ITIH2: variants seen among roughly 807,000 people sequenced by gnomAD.
The protein encoded by ITIH2 is inter-alpha-trypsin inhibitor heavy chain H2.
In ITIH2, 103 loss-of-function variants were observed where a neutral mutation model predicts 104.4. The observed-to-expected ratio is 0.99, with a 90% CI of 0.84 to 1.16. The LOEUF (loss-of-function observed/expected upper bound fraction) is 1.16. ITIH2 is among the 50% of genes most tolerant of loss of function. The pLI, the probability that ITIH2 is intolerant of heterozygous loss-of-function variation, is 0.00. For synonymous variants in ITIH2, 436 were observed against 435.4 expected (o/e 1.00, Z -0.02); for missense variants, 1,108 against 1,162.4 (o/e 0.95, Z 0.68).
rs1279728915 is a variant in ITIH2, at chr10:7,734,932, C to CCTACAG, written c.1801_1806dup (p.Thr601_Ala602dup). The CCTACAG allele has an allele frequency of 2.5e-6, 4 of 1,612,108 alleles. No homozygotes were observed. ...ACTTCTTGAATACAGAAGCCTGGCT[C>CCTACAG]CTACAGCTGCCGCCAAGAGAAGAAT... On this transcript the variant is annotated inframe_insertion, in exon 15 of 21. Transcript: ENST00000358415.
intron 20 of ITIH2, among the ~76,000 whole-genome samples, chr10:7,748,905 T>C (rs1394571869): frequency 2.0e-5 from 3 of 152,252 alleles, no homozygotes; most frequent in Non-Finnish European, 4.4e-5. Flanking sequence ...GTCTTGTTCC[T>C]GCCTTCTTTC....
intron 10 of ITIH2, 98 bp downstream of exon 10, chr10:7,727,216 A>G: frequency 1.0e-6 from 1 of 963,442 alleles, no homozygotes; most frequent in Non-Finnish European, 1.5e-6. Flanking sequence ...GTCTTTCCCC[A>G]GCATTCGAGG....
Position 7,720,918 on chromosome 10 carries a change from A to G in ITIH2, c.693A>G (p.Glu231=). 1.2e-6 allele frequency: 2 copies of G among 1,613,906 alleles called. No homozygotes were observed. The highest frequency in any genetic ancestry group is 1.7e-6 in the Non-Finnish European group (2 of 1,179,772). The part of the protein sequence containing the change: ...LRFLHVPDTF[E]GHFDGVPVIS... ...TTCTTCATGTTCCCGACACATTTGA[A>G]GGCCATTTCGATGGTGTTCCGGTCA... The change falls in exon 7 of 21, where the codon GAA becomes GAG. Residue 231 remains glutamate (E), a synonymous_variant. Transcript: ENST00000358415.
rs745535473 is a variant in ITIH2 at position 7,723,528 on chromosome 10, C to T, written c.945C>T (p.Ile315=). The T allele has an allele frequency of 7.4e-6, 12 of 1,613,840 alleles. No individual in the cohort carries two copies. The highest frequency in any genetic ancestry group is 3.3e-5 in the Admixed American group (2 of 60,012). The change falls in exon 9 of 21, where the codon ATC becomes ATT. Residue 315 remains isoleucine, a synonymous_variant. Coordinates refer to ENST00000358415, the MANE Select transcript of ITIH2 (RefSeq NM_002216.3). The part of the protein sequence containing the change: ...DPIPKNILFV[I]DVSGSMWGVK... Reference sequence around the variant, plus strand: ...TTCCCAAAAACATCCTCTTTGTCATCGATGTGAGTGGCTCCATGTGGGGAG... The same window carrying T: ...TTCCCAAAAACATCCTCTTTGTCATTGATGTGAGTGGCTCCATGTGGGGAG...
At chr10:7,727,643 T>C (rs1834962913) in intron 10 of ITIH2, 60 bp from the exon 11 acceptor site, 2 of 1,586,878 alleles carry the variant, frequency 1.3e-6, no homozygotes, top group South Asian at 1.1e-5. Flanking sequence ...GAATCCAGAA[T>C]GGGATTTTCT....
chr10:7,734,850 G>T, intron 14 of ITIH2, 72 bp from the exon 15 acceptor site: 1 of 1,365,086 alleles, frequency 7.3e-7, no homozygotes, highest in South Asian at 1.3e-5. Flanking sequence ...TGGGGTGCAG[G>T]GTCAGGGAGC....
chr10:7,714,786 C>T (rs1342861043), intron 5 of ITIH2, among the ~76,000 whole-genome samples: 3 of 152,102 alleles, frequency 2.0e-5, no homozygotes, highest in Non-Finnish European at 4.4e-5. Flanking sequence ...GTGTGTCATC[C>T]TGTCTGGGGG....
chr10:7,713,838 G>A (rs1834820767), intron 5 of ITIH2, among the ~76,000 whole-genome samples: 1 of 151,986 alleles, frequency 6.6e-6, no homozygotes, highest in Non-Finnish European at 1.5e-5. Context: ...CCAAGTAGCT[G>A]GGACTTGGGG....
At chr10:7,714,156 A>G (rs941084946) in intron 5 of ITIH2, among the ~76,000 whole-genome samples, 1 of 145,914 alleles carries the variant, frequency 6.9e-6, no homozygotes, top group African/African-American at 2.6e-5. Flanking sequence ...CTTGCACTGC[A>G]CACTCACTAT....
chr10:7,749,196 G>C lies in ITIH2; in HGVS notation c.2703G>C (p.Gln901His). 1 of 1,613,918 alleles carries C rather than the reference G, an allele frequency of 6.2e-7. No individual in the cohort carries two copies. Among genetic ancestry groups the C allele is most frequent in the South Asian group, 1.1e-5 (1 of 90,982 alleles). Residue 901 changes from glutamine to histidine, a missense_variant, in exon 21 of 21, where the codon CAG becomes CAC. Gln to His is a conservative substitution (Grantham distance 24). Coordinates refer to ENST00000358415, the MANE Select transcript of ITIH2 (RefSeq NM_002216.3). ...GQKLIITRGL[Q>H]KDYRTDLVFG... Reference sequence around the variant, plus strand: ...CCTTGCTTCCTTGCAGGGGCTTACAGAAAGACTACAGAACGGATCTAGTGT... The same window carrying C: ...CCTTGCTTCCTTGCAGGGGCTTACACAAAGACTACAGAACGGATCTAGTGT...
Position 7,746,814 on chromosome 10 carries a change from A to G in ITIH2, c.2693+110A>G, listed in dbSNP as rs956938670. 2.1e-5 allele frequency: 14 copies of G among 666,052 alleles called. No individual in the cohort carries two copies. In the East Asian group the frequency reaches 3.8e-4, roughly 18 times the overall value. The allele number at this position is 666,052 out of a possible 1,614,324, so 41.3% of individuals were successfully genotyped here. ...GTGTCGTAGGCACTACCTACATCAC[A>G]CTAAGCAGTTCATTAGGAATAGACG... On this transcript the variant is annotated intron_variant, in intron 20 of 20. Transcript: ENST00000358415.
At chr10:7,748,224 A>G (rs1835198109) in intron 20 of ITIH2, among the ~76,000 whole-genome samples, 1 of 111,636 alleles carries the variant, frequency 9.0e-6, no homozygotes, top group African/African-American at 3.1e-5. Context: ...TTATATATAC[A>G]TATATAAATA....
chr10:7,717,646 A>T lies in ITIH2; in HGVS notation c.488A>T (p.Glu163Val). 1 of 1,613,792 alleles carries T rather than the reference A, an allele frequency of 6.2e-7. No homozygotes were observed. The highest frequency in any genetic ancestry group is 1.1e-5 in the South Asian group (1 of 91,058). ...TTTAGGAGCAGCGCTCTTGATATGG[A>T]AAACTTCAGAACGGAAGTAAATGTC... ...GLVRSSALDMENFRTEVNVLP... is the reference protein window; with the variant it reads ...GLVRSSALDMVNFRTEVNVLP... Residue 163 changes from glutamate (E) to valine (V), a missense_variant, in exon 6 of 21, where the codon GAA becomes GTA. Transcript: ENST00000358415.
At chr10:7,743,344 C>A in intron 17 of ITIH2, 85 bp downstream of exon 17, 1 of 736,576 alleles carries the variant, frequency 1.4e-6, no homozygotes, top group Non-Finnish European at 2.4e-6. Flanking sequence ...TCTTTCTCAG[C>A]TTAATAGAAG....
At chr10:7,714,544 C>T (rs549937389) in intron 5 of ITIH2, among the ~76,000 whole-genome samples, 3 of 152,268 alleles carry the variant, frequency 2.0e-5, no homozygotes, top group Admixed American at 1.3e-4. Flanking sequence ...CCCAAACTCA[C>T]CTGTAGTTGA....
chr10:7,739,702 AAAAAAC>A lies in ITIH2; in HGVS notation c.2095+962_2095+967del, dbSNP rs1430932511. On this transcript the variant is annotated intron_variant, in intron 16 of 20. Coordinates refer to ENST00000358415, the MANE Select transcript of ITIH2 (RefSeq NM_002216.3). Reference sequence around the variant, plus strand: ...GAGGCCAGGAGTTTGAGACCAGCAAAAAAAACAAAAACAAAAACAAAAAAACCCTTT... The same window carrying A: ...GAGGCCAGGAGTTTGAGACCAGCAAAAAAAACAAAAACAAAAAAACCCTTT... Among the ~76,000 whole-genome samples, 4 of 152,080 alleles carry A rather than the reference AAAAAAC, an allele frequency of 2.6e-5. No individual in the cohort carries two copies. The East Asian group carries it at 7.7e-4, about 29-fold the overall frequency.
At chr10:7,735,802 A>G (rs1194957296) in intron 15 of ITIH2, among the ~76,000 whole-genome samples, 1 of 151,304 alleles carries the variant, frequency 6.6e-6, no homozygotes, top group Non-Finnish European at 1.5e-5. Flanking sequence ...CCTCCCAAGT[A>G]GCTGGGATTA....
intron 3 of ITIH2, among the ~76,000 whole-genome samples, chr10:7,708,480 TG>T (rs2131152522): frequency 6.6e-6 from 1 of 152,268 alleles, no homozygotes; most frequent in African/African-American, 2.4e-5. Context: ...TGTTTTGACT[TG>T]GGGGAGGAGA....
intron 2 of ITIH2, among the ~76,000 whole-genome samples, chr10:7,706,519 T>C (rs1834748832): frequency 6.6e-6 from 1 of 152,122 alleles, no homozygotes; most frequent in Admixed American, 6.5e-5. Flanking sequence ...GCCTCAGGGG[T>C]TACACTGTGG....
Sources: allele counts gnomAD v4.1 joint callset (sites outside exome capture counted in the v4.1 genomes callset), GRCh38; gene constraint gnomAD v4.1.1; transcripts MANE v1.5; gene names NCBI Gene and HGNC (gene_info 2026-07-23, HGNC 2026-07-21).